The following FGF12 variants were observed in gnomAD, a reference collection of about 807,000 sequenced individuals.
FGF12 encodes fibroblast growth factor 12.
FGF12 carries 14 observed loss-of-function variants against 23.6 expected under a neutral mutation model. That is an observed-to-expected ratio of 0.59 (90% CI 0.39 to 0.93). FGF12 has a LOEUF of 0.93. FGF12 is among the 40% of genes least tolerant of loss of function. FGF12 has a pLI of 0.00. For synonymous variants in FGF12, 62 were observed against 77.3 expected, an observed-to-expected ratio of 0.80 and a Z score of 1.04; for missense variants, 175 against 217.8, an observed-to-expected ratio of 0.80 and a Z score of 1.24.
At chr3:192,606,246 T>C (rs1714332024) in intron 2 of FGF12, among the ~76,000 whole-genome samples, 1 of 152,136 alleles carries the variant, frequency 6.6e-6, no homozygotes, top group Admixed American at 6.5e-5. Context: ...TGGAGATCAT[T>C]ATCCTAAGCA....
chr3:192,610,601 C>A (rs1417119612), intron 2 of FGF12, among the ~76,000 whole-genome samples: 1 of 152,028 alleles, frequency 6.6e-6, no homozygotes, highest in Non-Finnish European at 1.5e-5. Context: ...AACATGGAAA[C>A]CAGAGTGATC....
At chr3:192,630,678 G>C (rs539160410) in intron 2 of FGF12, among the ~76,000 whole-genome samples, 1 of 149,832 alleles carries the variant, frequency 6.7e-6, no homozygotes, top group Non-Finnish European at 1.5e-5. Flanking sequence ...TCAGCCTCCC[G>C]AGTAGCTGGG....
At chr3:192,566,938 T>A (rs1190600160) in intron 2 of FGF12, among the ~76,000 whole-genome samples, 1 of 152,166 alleles carries the variant, frequency 6.6e-6, no homozygotes, top group African/African-American at 2.4e-5. Flanking sequence ...ATGCACTGAA[T>A]TCTCAGATTC....
At chr3:192,212,247 A>G (rs905366463) in intron 4 of FGF12, among the ~76,000 whole-genome samples, 2 of 152,300 alleles carry the variant, frequency 1.3e-5, no homozygotes, top group East Asian at 1.9e-4. Flanking sequence ...AAAAACAGGA[A>G]GGTTATATAG....
At chr3:192,709,087 T>G (rs889071163) in intron 2 of FGF12, among the ~76,000 whole-genome samples, 1 of 152,220 alleles carries the variant, frequency 6.6e-6, no homozygotes, top group Non-Finnish European at 1.5e-5. Flanking sequence ...TGTTTATACA[T>G]CTGTTGTGTA....
chr3:192,527,860 C>T (rs571234158), intron 2 of FGF12, among the ~76,000 whole-genome samples: 1 of 152,262 alleles, frequency 6.6e-6, no homozygotes, highest in African/African-American at 2.4e-5. Flanking sequence ...GAGAAGACAG[C>T]TTATGCAGGG....
intron 5 of FGF12, among the ~76,000 whole-genome samples, chr3:192,144,878 C>A (rs1560165673): frequency 6.6e-6 from 1 of 152,120 alleles, no homozygotes; most frequent in Non-Finnish European, 1.5e-5. Context: ...GTTATTCTTA[C>A]AAAACACGTT....
At chr3:192,366,115 T>C (rs980094439) in intron 2 of FGF12, among the ~76,000 whole-genome samples, 1 of 152,046 alleles carries the variant, frequency 6.6e-6, no homozygotes, top group Non-Finnish European at 1.5e-5. Flanking sequence ...GACATCATCC[T>C]TTCCTTTCCA....
chr3:192,219,031 T>G (rs1315843230), intron 4 of FGF12, among the ~76,000 whole-genome samples: 2 of 152,156 alleles, frequency 1.3e-5, no homozygotes, highest in African/African-American at 4.8e-5. Context: ...ATTTGGTAAA[T>G]GCAATGTTAT....
At chr3:192,416,371 T>C (rs1192385512) in intron 2 of FGF12, among the ~76,000 whole-genome samples, 2 of 152,142 alleles carry the variant, frequency 1.3e-5, no homozygotes, top group Non-Finnish European at 2.9e-5. Context: ...AAGTTGTCCT[T>C]ACATAAAGCT....
intron 2 of FGF12, among the ~76,000 whole-genome samples, chr3:192,422,213 A>G (rs1261061088): frequency 6.6e-6 from 1 of 152,106 alleles, no homozygotes; most frequent in Non-Finnish European, 1.5e-5. Flanking sequence ...TTCTAGCCTG[A>G]GCTGAATTTT....
At chr3:192,274,335 A>G (rs1481440763) in intron 4 of FGF12, among the ~76,000 whole-genome samples, 2 of 152,222 alleles carry the variant, frequency 1.3e-5, no homozygotes, top group Non-Finnish European at 2.9e-5. Flanking sequence ...GTATTTATGT[A>G]TATAAAATGT....
At chr3:192,432,620 C>CAAAAAAAAAA (rs201364119) in intron 2 of FGF12, among the ~76,000 whole-genome samples, 1 of 106,728 alleles carries the variant, frequency 9.4e-6, no homozygotes. Context: ...TGACATCTGG[C>CAAAAAAAAAA]AAAAAAAAAA....
At chr3:192,565,697 T>C (rs1463102816) in intron 2 of FGF12, among the ~76,000 whole-genome samples, 1 of 152,232 alleles carries the variant, frequency 6.6e-6, no homozygotes, top group Admixed American at 6.5e-5. Flanking sequence ...TAGTAGGCTA[T>C]ATGATCTAGG....
At chr3:192,332,328 G>A (rs996686093) in intron 4 of FGF12, among the ~76,000 whole-genome samples, 1 of 151,512 alleles carries the variant, frequency 6.6e-6, no homozygotes, top group African/African-American at 2.4e-5. Flanking sequence ...TAAAAATACA[G>A]CCTGAGGTTA....
intron 4 of FGF12, among the ~76,000 whole-genome samples, chr3:192,189,124 G>A (rs1171861271): frequency 6.6e-6 from 1 of 152,194 alleles, no homozygotes; most frequent in Non-Finnish European, 1.5e-5. Context: ...GCAGCTTGTA[G>A]GCTTCCTCAG....
chr3:192,374,717 C>A (rs551711626), intron 2 of FGF12, among the ~76,000 whole-genome samples: 3 of 152,116 alleles, frequency 2.0e-5, no homozygotes, highest in East Asian at 3.9e-4. Flanking sequence ...GATGTTAATA[C>A]TAAGGTGCAA....
chr3:192,639,088 T>C (rs1199416118), intron 2 of FGF12, among the ~76,000 whole-genome samples: 1 of 152,170 alleles, frequency 6.6e-6, no homozygotes, highest in Non-Finnish European at 1.5e-5. Context: ...TATAAAGAAC[T>C]CATACCATTC....
At chr3:192,701,059 A>C (rs965662862) in intron 2 of FGF12, among the ~76,000 whole-genome samples, 14 of 152,176 alleles carry the variant, frequency 9.2e-5, no homozygotes, top group African/African-American at 3.4e-4. Flanking sequence ...CACCTTTTTA[A>C]GTCTGATAAA....
Sources: gnomAD v4.1 joint callset for allele counts (sites outside exome capture counted in the v4.1 genomes callset) on GRCh38, gnomAD v4.1.1 for gene constraint, MANE v1.5 for transcripts, NCBI Gene and HGNC (gene_info 2026-07-23, HGNC 2026-07-21) for gene names.